Variants in FAXDC2 observed in about 807,000 individuals in gnomAD.
The protein encoded by FAXDC2 is fatty acid hydroxylase domain-containing protein 2.
In FAXDC2, 41 loss-of-function variants were observed where a neutral mutation model predicts 40.9. The ratio of observed to expected loss-of-function variants is 1.00; its 90% CI spans 0.78 to 1.30. The LOEUF is 1.30. FAXDC2 is among the 50% of genes most tolerant of loss of function. FAXDC2 has a pLI of 0.00. For missense variants in FAXDC2, 390 were observed against 408.8 expected, an observed-to-expected ratio of 0.95 and a Z score of 0.40; for synonymous variants, 157 against 149.3, an observed-to-expected ratio of 1.05 and a Z score of -0.38.
chr5:154,827,683 G>T (rs1018297758), intron 5 of FAXDC2, among the ~76,000 whole-genome samples: 2 of 148,316 alleles, frequency 1.3e-5, no homozygotes, highest in Admixed American at 6.7e-5. Context: ...CTACAGGCAT[G>T]CACCATCACA....
Position 154,834,720 on chromosome 5 carries a change from T to G in FAXDC2, c.149A>C (p.Gln50Pro). 1.9e-6 allele frequency: 3 copies of G among 1,613,598 alleles called. No individual in the cohort carries two copies. Among genetic ancestry groups the G allele is most frequent in the Non-Finnish European group, 2.5e-6 (3 of 1,179,708 alleles). The part of the protein sequence containing the change: ...AFWNSVTWHL[Q>P]RFWGASGYFW... ...GTAGCCAGAAGCACCCCAAAATCTC[T>G]GAAGATGCCTTGGAAAAAAAACCAG... The change falls in exon 4 of 9, where the codon CAG becomes CCG. Residue 50 changes from glutamine (Q) to proline (P), a missense_variant. Gln to Pro is a moderately conservative substitution (Grantham distance 76). Transcript: ENST00000326080.
At chr5:154,842,782 G>A (rs559817310) in intron 1 of FAXDC2, among the ~76,000 whole-genome samples, 2 of 150,794 alleles carry the variant, frequency 1.3e-5, no homozygotes, top group Admixed American at 6.6e-5. Flanking sequence ...TGCCTGCCTC[G>A]GCTTCCCAAA....
At chr5:154,835,163 G>C (rs1010914233) in intron 2 of FAXDC2, 1 of 485,642 alleles carries the variant, frequency 2.1e-6, no homozygotes, top group African/African-American at 2.0e-5. Context: ...CAAGTTGGGG[G>C]AGGGAAGGGA....
At chr5:154,840,412 T>C (rs910088577) in intron 1 of FAXDC2, among the ~76,000 whole-genome samples, 3 of 152,068 alleles carry the variant, frequency 2.0e-5, no homozygotes, top group African/African-American at 7.2e-5. Context: ...TTTTAGGAGA[T>C]GGGGTCTCAC....
At chr5:154,846,290 G>GTGTT (rs1760599320) in intron 1 of FAXDC2, among the ~76,000 whole-genome samples, 1 of 151,918 alleles carries the variant, frequency 6.6e-6, no homozygotes, top group Admixed American at 6.6e-5. Flanking sequence ...GTGTGTGTGT[G>GTGTT]TGTGTGTGTT....
chr5:154,850,226 G>A (rs1760696095), intron 1 of FAXDC2, among the ~76,000 whole-genome samples: 1 of 152,190 alleles, frequency 6.6e-6, no homozygotes, highest in African/African-American at 2.4e-5. Flanking sequence ...CTACTGAGGA[G>A]GTAGATGGTA....
At chr5:154,831,681 G>A (rs894896727) in intron 4 of FAXDC2, among the ~76,000 whole-genome samples, 3 of 152,084 alleles carry the variant, frequency 2.0e-5, no homozygotes, top group Non-Finnish European at 4.4e-5. Context: ...TCCATCAACC[G>A]AAGTAACTGT....
At chr5:154,831,856 A>G (rs1582528746) in intron 4 of FAXDC2, among the ~76,000 whole-genome samples, 1 of 152,180 alleles carries the variant, frequency 6.6e-6, no homozygotes, top group South Asian at 2.1e-4. Flanking sequence ...GTTTGTATGC[A>G]TAAATGTCCG....
intron 1 of FAXDC2, among the ~76,000 whole-genome samples, chr5:154,845,886 A>G (rs1760587418): frequency 1.3e-5 from 2 of 151,244 alleles, no homozygotes; most frequent in Non-Finnish European, 2.9e-5. Context: ...CCCGGGTTCA[A>G]GCGATTCTCC....
chr5:154,825,364 C>CTCA (rs397707125), intron 5 of FAXDC2, among the ~76,000 whole-genome samples: 26 of 115,608 alleles, frequency 2.2e-4, no homozygotes, highest in Admixed American at 5.4e-4. Flanking sequence ...AAGACTCCAT[C>CTCA]AAAAAAAAAG....
intron 1 of FAXDC2, among the ~76,000 whole-genome samples, chr5:154,844,941 C>T (rs941180779): frequency 6.6e-6 from 1 of 152,178 alleles, no homozygotes; most frequent in Non-Finnish European, 1.5e-5. Flanking sequence ...TCTACGTACA[C>T]CTTCTGGCCA....
intron 2 of FAXDC2, among the ~76,000 whole-genome samples, chr5:154,835,491 CTG>C (rs1760318495): frequency 6.6e-6 from 1 of 152,252 alleles, no homozygotes; most frequent in Non-Finnish European, 1.5e-5. Flanking sequence ...ACAGGCTTCA[CTG>C]TGTGCATAGG....
chr5:154,830,670 TG>T (rs1760165132), intron 5 of FAXDC2, 130 bp downstream of exon 5: 6 of 1,025,146 alleles, frequency 5.9e-6, no homozygotes, highest in Non-Finnish European at 8.7e-6. Context: ...CCTTCTAAAC[TG>T]GGGGAGCCTT....
chr5:154,833,665 ATTTC>A (rs760749802), intron 4 of FAXDC2, among the ~76,000 whole-genome samples: 72 of 148,244 alleles, frequency 4.9e-4, no homozygotes, highest in Non-Finnish European at 8.6e-4. Flanking sequence ...CATCTTAAAT[ATTTC>A]TTTCTTTCTT....
chr5:154,836,624 A>G lies in FAXDC2; in HGVS notation c.48+1507T>C, dbSNP rs185237373. Among the ~76,000 whole-genome samples the G allele has an allele frequency of 1.2e-4, 19 of 152,030 alleles. No individual in the cohort carries two copies. The East Asian group carries it at 3.3e-3, about 26-fold the overall frequency. On this transcript the variant is annotated intron_variant, in intron 2 of 8. Transcript: ENST00000326080. Reference sequence around the variant, plus strand: ...TACAGGGTGTCAGAGGGGATGTTGGAGGAGCTGATCTAATAGGACACTACT... The same window carrying G: ...TACAGGGTGTCAGAGGGGATGTTGGGGGAGCTGATCTAATAGGACACTACT...
chr5:154,829,931 G>C (rs1477966613), intron 5 of FAXDC2, among the ~76,000 whole-genome samples: 1 of 152,182 alleles, frequency 6.6e-6, no homozygotes, highest in Non-Finnish European at 1.5e-5. Flanking sequence ...CAAGTGAGGG[G>C]GACAGTAAGC....
chr5:154,841,481 A>G (rs535245027), intron 1 of FAXDC2, among the ~76,000 whole-genome samples: 24 of 152,262 alleles, frequency 1.6e-4, no homozygotes, highest in Non-Finnish European at 3.1e-4. Flanking sequence ...GCATTTCAGG[A>G]TGGTAAGTCT....
chr5:154,835,158 TG>T, intron 2 of FAXDC2: 1 of 489,684 alleles, frequency 2.0e-6, no homozygotes, highest in Non-Finnish European at 3.7e-6. Flanking sequence ...GAGCTCAAGT[TG>T]GGGGAGGGAA....
intron 1 of FAXDC2, among the ~76,000 whole-genome samples, chr5:154,844,991 T>C (rs966045275): frequency 1.8e-4 from 27 of 152,344 alleles, no homozygotes; most frequent in African/African-American, 6.5e-4. Context: ...GTGAGAAGGC[T>C]TCTCGGCTGT....
Sources: gnomAD v4.1 joint callset for allele counts (sites outside exome capture counted in the v4.1 genomes callset) on GRCh38, gnomAD v4.1.1 for gene constraint, MANE v1.5 for transcripts, NCBI Gene and HGNC (gene_info 2026-07-23, HGNC 2026-07-21) for gene names.